The following ACYP2 variants were observed in gnomAD, a reference collection of about 807,000 sequenced individuals.
ACYP2 encodes the protein acylphosphatase-2.
In ACYP2, 12 loss-of-function variants were observed where a neutral mutation model predicts 11.2. The observed-to-expected ratio is 1.08, with a 90% CI of 0.69 to 1.74. The LOEUF is 1.74. Ranked by LOEUF, ACYP2 falls within the 40% of genes most tolerant of loss-of-function variation. ACYP2 has a pLI of 0.00. For synonymous variants in ACYP2, 43 were observed against 32.2 expected (o/e 1.33, Z -1.13); for missense variants, 134 against 101.9 (o/e 1.31, Z -1.35).
intron 6 of ACYP2, among the ~76,000 whole-genome samples, chr2:54,197,460 G>A (rs1458993702): frequency 6.6e-6 from 1 of 152,174 alleles, no homozygotes; most frequent in Non-Finnish European, 1.5e-5. Context: ...CTTTTGAGGA[G>A]CTTATAGTCT....
At chr2:54,178,700 T>G (rs1004852140) in intron 6 of ACYP2, among the ~76,000 whole-genome samples, 5 of 152,126 alleles carry the variant, frequency 3.3e-5, no homozygotes, top group Non-Finnish European at 1.5e-5. Flanking sequence ...AAGCATTTAG[T>G]GGGAAGGATT....
chr2:54,230,181 C>G (rs1686171375), intron 6 of ACYP2, among the ~76,000 whole-genome samples: 1 of 152,208 alleles, frequency 6.6e-6, no homozygotes, highest in Non-Finnish European at 1.5e-5. Flanking sequence ...TCCCCTTCCC[C>G]TTTTGTTTTC....
intron 6 of ACYP2, among the ~76,000 whole-genome samples, chr2:54,201,624 G>GTTTGTTTCTT (rs1684793933): frequency 9.2e-6 from 1 of 108,724 alleles, no homozygotes; most frequent in African/African-American, 3.7e-5. Flanking sequence ...TTCTTTCTTT[G>GTTTGTTTCTT]TTTCTTTCTT....
chr2:54,267,886 T>G (rs1688109120), intron 6 of ACYP2, among the ~76,000 whole-genome samples: 1 of 152,234 alleles, frequency 6.6e-6, no homozygotes, highest in Admixed American at 6.5e-5. Context: ...AAAATAGATT[T>G]GAAATATTGT....
intron 6 of ACYP2, among the ~76,000 whole-genome samples, chr2:54,207,543 C>T (rs572115790): frequency 2.0e-5 from 3 of 152,262 alleles, no homozygotes; most frequent in Admixed American, 2.0e-4. Flanking sequence ...TTTGACCAAA[C>T]AATTAAGCAC....
chr2:54,091,858 T>G (rs1241455518), intron 4 of ACYP2, among the ~76,000 whole-genome samples: 1 of 152,150 alleles, frequency 6.6e-6, no homozygotes, highest in African/African-American at 2.4e-5. Flanking sequence ...CATTTCTAGT[T>G]CCAGGTCTCT....
At chr2:54,108,014 G>A (rs1249318741) in intron 4 of ACYP2, among the ~76,000 whole-genome samples, 2 of 152,080 alleles carry the variant, frequency 1.3e-5, no homozygotes, top group Non-Finnish European at 2.9e-5. Context: ...TCCGGGACCC[G>A]CCAAGCTTGC....
intron 4 of ACYP2, among the ~76,000 whole-genome samples, chr2:54,070,359 A>G (rs547125080): frequency 6.6e-6 from 1 of 152,320 alleles, no homozygotes; most frequent in Non-Finnish European, 1.5e-5. Flanking sequence ...ATGGCTTATA[A>G]TAAGGATTCT....
chr2:54,208,216 TC>T (rs1035626243), intron 6 of ACYP2, among the ~76,000 whole-genome samples: 6 of 151,874 alleles, frequency 4.0e-5, no homozygotes, highest in African/African-American at 9.7e-5. Context: ...ACTTTTTATT[TC>T]CCCCCTATAT....
chr2:54,255,273 C>T (rs1338336399), intron 6 of ACYP2: 3 of 1,614,210 alleles, frequency 1.9e-6, no homozygotes, highest in African/African-American at 1.3e-5. Context: ...AGAACTTAAA[C>T]TTGCAGCCTG....
At chr2:54,017,247 C>T (rs928240071) in intron 2 of ACYP2, among the ~76,000 whole-genome samples, 4 of 140,624 alleles carry the variant, frequency 2.8e-5, no homozygotes, top group Admixed American at 7.3e-5. Context: ...TCATATTGGC[C>T]GTTAAGTTTC....
intron 2 of ACYP2, among the ~76,000 whole-genome samples, chr2:53,977,576 T>TA (rs1363956668): frequency 6.6e-6 from 1 of 151,538 alleles, no homozygotes; most frequent in South Asian, 2.1e-4. Context: ...CTACTAAAAA[T>TA]ACAAAAAAAT....
intron 4 of ACYP2, among the ~76,000 whole-genome samples, chr2:54,077,548 A>G (rs201053096): frequency 6.6e-6 from 1 of 152,240 alleles, no homozygotes; most frequent in Non-Finnish European, 1.5e-5. Context: ...CAAGGGCAAG[A>G]CAGCCAGTAC....
At chr2:54,284,166 A>G (rs1039474952) in intron 6 of ACYP2, among the ~76,000 whole-genome samples, 2 of 152,256 alleles carry the variant, frequency 1.3e-5, no homozygotes, top group African/African-American at 4.8e-5. Context: ...AAAAAAAATC[A>G]TATAATTAAA....
In ACYP2 at chr2:54,065,859, C is replaced by T. The variant is rs150422222; in HGVS notation, c.277+8499C>T. 452 of 213,854 alleles carry T rather than the reference C, an allele frequency of 2.1e-3. 1 individual carries two copies. The highest frequency in any genetic ancestry group is 3.2e-3 in the South Asian group (17 of 5,374). 13.2% of individuals were successfully genotyped at this position (213,854 alleles called of 1,614,324 possible). A position where few individuals can be genotyped will look rare whatever the true frequency, so the allele number is the denominator to read the frequency against. ...CTTGCCTAAAGTCCACTATCATCAG[C>T]ACTTACAAGATGGAACAAGAGGAAA... On this transcript the variant is annotated intron_variant, in intron 4 of 6. Coordinates refer to ENST00000607452, the MANE Select transcript of ACYP2 (RefSeq NM_001320586.2).
rs1558608826 is a variant in ACYP2 at position 54,201,638 on chromosome 2, C to CTTTTTCTTTCTTTCTTTCTTTGTTTCTT, written c.404+62893_404+62894insTTCTTTCTTTCTTTCTTTGTTTCTTTTT. ...TTTCTTTCTTTGTTTCTTTCTTTCT[C>CTTTTTCTTTCTTTCTTTCTTTGTTTCTT]TTTCTTTCTTTCTTTCTTTCTTTCT... On this transcript the variant is annotated intron_variant, in intron 6 of 6. Transcript: ENST00000607452. Among the ~76,000 whole-genome samples, 111 of 59,792 alleles carry CTTTTTCTTTCTTTCTTTCTTTGTTTCTT rather than the reference C, an allele frequency of 1.9e-3. 2 individuals are homozygous for CTTTTTCTTTCTTTCTTTCTTTGTTTCTT. The highest frequency in any genetic ancestry group is 7.1e-3 in the Middle Eastern group (1 of 140). 39.2% of individuals were successfully genotyped at this position (59,792 alleles called of 152,430 possible).
intron 2 of ACYP2, among the ~76,000 whole-genome samples, chr2:54,031,454 C>G (rs1234814411): frequency 6.6e-6 from 1 of 152,136 alleles, no homozygotes; most frequent in African/African-American, 2.4e-5. Flanking sequence ...AGAACATGAA[C>G]TCATCCTTTT....
At chr2:54,255,904 G>T (rs368312986) in intron 6 of ACYP2, 10 of 1,614,078 alleles carry the variant, frequency 6.2e-6, no homozygotes, top group Non-Finnish European at 2.5e-6. Flanking sequence ...CGCTTTGATG[G>T]CTCCATGACT....
chr2:54,013,595 C>T (rs1179214729), intron 2 of ACYP2, among the ~76,000 whole-genome samples: 5 of 151,910 alleles, frequency 3.3e-5, no homozygotes, highest in East Asian at 1.9e-4. Flanking sequence ...CCACTGCGCA[C>T]GGCCACCATC....
Sources: gnomAD v4.1 joint callset for allele counts (sites outside exome capture counted in the v4.1 genomes callset) on GRCh38, gnomAD v4.1.1 for gene constraint, MANE v1.5 for transcripts, NCBI Gene and HGNC (gene_info 2026-07-23, HGNC 2026-07-21) for gene names.